Variants in NLRP11 observed in about 807,000 individuals in gnomAD.
The protein encoded by NLRP11 is NACHT, LRR and PYD domains-containing protein 11.
Under a neutral mutation model 79.3 loss-of-function variants are expected in NLRP11, and 53 were observed. That is an observed-to-expected ratio of 0.67 (90% CI 0.54 to 0.84). The LOEUF (loss-of-function observed/expected upper bound fraction) is 0.84. NLRP11 is among the 40% of genes least tolerant of loss of function. The probability of loss-of-function intolerance (pLI) is 0.00; values close to 1 mark genes in which losing one functional copy is unlikely to be tolerated. For synonymous variants in NLRP11, 518 were observed against 462.6 expected (o/e 1.12, Z -1.54); for missense variants, 1,264 against 1,255.0 (o/e 1.01, Z -0.11).
chr19:55,809,028 A>G lies in NLRP11; in HGVS notation c.1582T>C (p.Tyr528His). The G allele has an allele frequency of 1.2e-6, 2 of 1,614,138 alleles. No individual in the cohort carries two copies. The highest frequency in any genetic ancestry group is 1.7e-5 in the Admixed American group (1 of 60,022). The change falls in exon 3 of 10, where the codon TAC becomes CAC. Residue 528 changes from tyrosine (Y) to histidine (H), a missense_variant. Tyr to His is a moderately conservative substitution (Grantham distance 83). Coordinates refer to ENST00000589093, the Ensembl canonical transcript of NLRP11. The surrounding 1 kb of genome is among the most constrained non-coding windows in gnomAD (Gnocchi z 4.5). ...GGGTCACGGTCCAAATGTTTCATGT[A>G]TCCCACCGAGTACCACTTGAAGCTG...
chr19:55,812,302 A>G (rs184098572), intron 2 of NLRP11, among the ~76,000 whole-genome samples: 58 of 152,272 alleles, frequency 3.8e-4, no homozygotes, highest in African/African-American at 1.4e-3. Flanking sequence ...AATTCATTGG[A>G]ATGGCTGAAT....
chr19:55,789,073 A>G, intron 8 of NLRP11, 96 bp from the exon 9 acceptor site: 1 of 1,470,042 alleles, frequency 6.8e-7, no homozygotes, highest in Non-Finnish European at 9.4e-7. Flanking sequence ...GATCCCTCCA[A>G]GTTTTGGGCA....
intron 6 of NLRP11, among the ~76,000 whole-genome samples, chr19:55,794,622 T>C (rs935595063): frequency 2.6e-5 from 4 of 152,140 alleles, no homozygotes; most frequent in Admixed American, 2.6e-4. Flanking sequence ...TAGCCAGGCG[T>C]GGTGGCGGGT....
At chr19:55,785,702 C>T (rs1240985976) in exon 10 of NLRP11, 2 of 1,613,638 alleles carry the variant, frequency 1.2e-6, no homozygotes, top group Non-Finnish European at 1.7e-6. Flanking sequence ...AACATGTAAT[C>T]CAAATTAGAA....
upstream of NLRP11, among the ~76,000 whole-genome samples, chr19:55,833,237 AATT>A (rs1163686235): frequency 6.6e-6 from 1 of 152,214 alleles, no homozygotes; most frequent in African/African-American, 2.4e-5. Context: ...CTTGTACAGG[AATT>A]ATTATTATGA....
At position 55,785,682 on chromosome 19, in the gene NLRP11, A is replaced by G. The variant is rs768970824; in HGVS notation, c.3045T>C (p.Phe1015=). The G allele has an allele frequency of 6.8e-6, 11 of 1,614,056 alleles. No individual in the cohort carries two copies. In the Admixed American group the frequency reaches 1.8e-4, roughly 27 times the overall value. ...TTCTCATGGCTGCAGACATTCTGGGAAATTTGAAAAACATGTAATCCAAAT... is the reference window on the plus strand; with the variant it reads ...TTCTCATGGCTGCAGACATTCTGGGGAATTTGAAAAACATGTAATCCAAAT... Residue 1015 remains phenylalanine (F), a synonymous_variant, in exon 10 of 10, where the codon TTT becomes TTC. Coordinates refer to ENST00000589093, the Ensembl canonical transcript of NLRP11.
At chr19:55,805,271 A>G (rs1463363075) in intron 4 of NLRP11, among the ~76,000 whole-genome samples, 2 of 152,018 alleles carry the variant, frequency 1.3e-5, no homozygotes, top group African/African-American at 4.8e-5. Context: ...ACTCAACATT[A>G]AAGGAAAGAG....
In NLRP11 at chr19:55,785,895, G is replaced by A. The variant is rs766968565; in HGVS notation, c.2856-24C>T. 168 of 1,603,556 alleles carry A rather than the reference G, an allele frequency of 1.0e-4. 1 individual carries two copies. The highest frequency in any genetic ancestry group is 1.2e-4 in the Non-Finnish European group (140 of 1,175,590). On this transcript the variant is annotated intron_variant, in intron 9 of 9. Transcript: ENST00000589093. ...GCCTGAAGGAAAACAGAGAGAGAACGCCGTTAATGCTACATGTGAGGTCTC... is the reference window on the plus strand; with the variant it reads ...GCCTGAAGGAAAACAGAGAGAGAACACCGTTAATGCTACATGTGAGGTCTC...
In NLRP11 at chr19:55,808,032, T is replaced by A; in HGVS notation, c.1842-18A>T. On this transcript the variant is annotated intron_variant, in intron 3 of 9. Coordinates refer to ENST00000589093, the Ensembl canonical transcript of NLRP11. ...TCATTTGACTACATAGAAGAAAAAT[T>A]GAGTTTTCCAATGGAATCGATTCAA... The A allele has an allele frequency of 6.4e-7, 1 of 1,558,326 alleles. No individual in the cohort carries two copies. Among genetic ancestry groups the A allele is most frequent in the Non-Finnish European group, 8.7e-7 (1 of 1,151,620 alleles).
chr19:55,821,051 G>A (rs772456711), intron 1 of NLRP11, among the ~76,000 whole-genome samples: 3 of 152,136 alleles, frequency 2.0e-5, no homozygotes, highest in Non-Finnish European at 4.4e-5. Flanking sequence ...AGACAACATG[G>A]CTTATGCTGA....
At chr19:55,807,507 C>A (rs1250970752) in intron 4 of NLRP11, among the ~76,000 whole-genome samples, 1 of 152,028 alleles carries the variant, frequency 6.6e-6, no homozygotes, top group Non-Finnish European at 1.5e-5. Context: ...CGTATGAAGA[C>A]AAGGTAAACA....
chr19:55,831,744 A>G (rs1416167732), intron 1 of NLRP11, among the ~76,000 whole-genome samples: 1 of 125,818 alleles, frequency 7.9e-6, no homozygotes, highest in Non-Finnish European at 1.6e-5. Flanking sequence ...GTCAACTTAA[A>G]TAAGTTTATC....
chr19:55,788,542 C>A (rs1990025279), intron 9 of NLRP11, among the ~76,000 whole-genome samples: 1 of 151,470 alleles, frequency 6.6e-6, no homozygotes, highest in African/African-American at 2.4e-5. Context: ...AGATTGAGAC[C>A]ACCCTGGCCA....
At chr19:55,835,475 C>A (rs942322501), upstream of NLRP11, among the ~76,000 whole-genome samples, 1 of 151,970 alleles carries the variant, frequency 6.6e-6, no homozygotes, top group Admixed American at 6.5e-5. Flanking sequence ...CCGAGGCGGG[C>A]AGATCACTTG....
intron 9 of NLRP11, among the ~76,000 whole-genome samples, chr19:55,788,479 G>T (rs1218250037): frequency 6.6e-6 from 1 of 150,794 alleles, no homozygotes; most frequent in Non-Finnish European, 1.5e-5. Flanking sequence ...GGTGGCTCAC[G>T]CCTATAATCC....
chr19:55,789,380 T>C (rs1429203129), exon 8 of NLRP11: 1 of 1,613,526 alleles, frequency 6.2e-7, no homozygotes, highest in South Asian at 1.1e-5. Context: ...ATATCGCTGC[T>C]AAAGAAACAG....
At chr19:55,791,375 C>T (rs1990225776) in intron 7 of NLRP11, among the ~76,000 whole-genome samples, 1 of 152,158 alleles carries the variant, frequency 6.6e-6, no homozygotes, top group Admixed American at 6.6e-5. Flanking sequence ...AAAAGATATC[C>T]CTACAATTTC....
intron 1 of NLRP11, among the ~76,000 whole-genome samples, chr19:55,821,063 G>A (rs1018958158): frequency 4.6e-5 from 7 of 152,116 alleles, no homozygotes; most frequent in Non-Finnish European, 2.9e-5. Flanking sequence ...TTATGCTGAA[G>A]CTTTGCTGTC....
chr19:55,809,740 T>C lies in NLRP11; in HGVS notation c.870A>G (p.Lys290=), dbSNP rs143374485. The C allele has an allele frequency of 6.2e-7, 1 of 1,614,204 alleles. No homozygotes were observed. The highest frequency in any genetic ancestry group is 8.5e-7 in the Non-Finnish European group (1 of 1,180,030). The change falls in exon 3 of 10, where the codon AAA becomes AAG. Residue 290 remains lysine, a synonymous_variant. Coordinates refer to ENST00000589093, the Ensembl canonical transcript of NLRP11. This position sits in a 1 kb window ranked among gnomAD's most constrained non-coding sequence, Gnocchi z 4.5. The stretch of plus-strand genomic sequence containing the variant: ...GCAAGGTCGTGCAGCAATCTACCTC[T>C]TTCAAGAACGTTTTTACATTATTCC...
Sources: allele counts gnomAD v4.1 joint callset (sites outside exome capture counted in the v4.1 genomes callset), GRCh38; gene constraint gnomAD v4.1.1; non-coding constraint Gnocchi (gnomAD v3.1); transcripts MANE v1.5; gene names NCBI Gene and HGNC (gene_info 2026-07-23, HGNC 2026-07-21).